The following PPP2R1B variants were observed in gnomAD, a reference collection of about 807,000 sequenced individuals.
PPP2R1B encodes protein phosphatase 2 scaffold subunit Abeta.
In PPP2R1B, 58 loss-of-function variants were observed where a neutral mutation model predicts 72.7. The observed-to-expected ratio is 0.80, with a 90% CI of 0.65 to 0.99. The LOEUF is 0.99. PPP2R1B is among the 50% of genes least tolerant of loss of function. The probability of loss-of-function intolerance (pLI) is 0.00; values close to 1 mark genes in which losing one functional copy is unlikely to be tolerated. For missense variants in PPP2R1B, 695 were observed against 733.6 expected, an observed-to-expected ratio of 0.95 and a Z score of 0.61; for synonymous variants, 256 against 264.6, an observed-to-expected ratio of 0.97 and a Z score of 0.32.
At chr11:111,736,312 C>A (rs1264228608), downstream of PPP2R1B, among the ~76,000 whole-genome samples, 1 of 152,204 alleles carries the variant, frequency 6.6e-6, no homozygotes, top group Non-Finnish European at 1.5e-5. Flanking sequence ...CCTCAATGAT[C>A]CACACTCAGA....
At position 111,755,469 on chromosome 11, in the gene PPP2R1B, T is replaced by C. The variant is rs782501398; in HGVS notation, c.688-19A>G. On this transcript the variant is annotated intron_variant, in intron 5 of 14. Coordinates refer to ENST00000527614, the MANE Select transcript of PPP2R1B (RefSeq NM_002716.5). ...CTGAATCCTAAAGGAACAAAATTTC[T>C]GTAATTCAGACATTTACTGAGACCC... The C allele has an allele frequency of 6.3e-6, 10 of 1,587,590 alleles. No homozygotes were observed. In the Admixed American group the frequency reaches 7.6e-5, roughly 12 times the overall value.
chr11:111,717,584 A>G, the PPP2R1B span, among the ~76,000 whole-genome samples: 1 of 152,192 alleles, frequency 6.6e-6, no homozygotes, highest in African/African-American at 2.4e-5. Context: ...CAGCAATCCC[A>G]TTACTGGGTA....
the PPP2R1B span, chr11:111,719,987 C>G: frequency 3.1e-6 from 5 of 1,613,710 alleles, no homozygotes; most frequent in Admixed American, 3.3e-5. Flanking sequence ...ATCAACTGGT[C>G]GTGATGCCTG....
chr11:111,741,628 C>T lies in PPP2R1B; in HGVS notation c.1790-16G>A, dbSNP rs1944522686. ...AATGCAAGAACTGGAAAATTCCAAA[C>T]AAAATCAGGTTAGTGGTACAGAAAG... On this transcript the variant is annotated splice_polypyrimidine_tract_variant and intron_variant, in intron 14 of 14. Transcript: ENST00000527614. 2 of 1,613,184 alleles carry T rather than the reference C, an allele frequency of 1.2e-6. No individual in the cohort carries two copies. The highest frequency in any genetic ancestry group is 1.7e-5 in the Admixed American group (1 of 59,738).
At chr11:111,715,301 A>G in the PPP2R1B span, among the ~76,000 whole-genome samples, 1 of 152,136 alleles carries the variant, frequency 6.6e-6, no homozygotes, top group Non-Finnish European at 1.5e-5. Context: ...GGGCCCATAA[A>G]TAAGTGCACA....
downstream of PPP2R1B, among the ~76,000 whole-genome samples, chr11:111,735,590 C>T (rs979066057): frequency 1.3e-5 from 2 of 152,230 alleles, no homozygotes; most frequent in Non-Finnish European, 2.9e-5. Flanking sequence ...AACACAGAGG[C>T]ACCTCCACAG....
chr11:111,738,036 C>T lies in PPP2R1B; in HGVS notation c.*3560G>A, dbSNP rs542108755. 7.9e-6 allele frequency: 8 copies of T among 1,007,074 alleles called. No individual in the cohort carries two copies. Among genetic ancestry groups the T allele is most frequent in the East Asian group, 9.3e-5 (1 of 10,726 alleles). 62.4% of individuals were successfully genotyped at this position (1,007,074 alleles called of 1,614,324 possible). A position where few individuals can be genotyped will look rare whatever the true frequency, so the allele number is the denominator to read the frequency against. ...GAAACAGCAGGCTCGTGGAGGCAAA[C>T]GGGGGACAGTGAGACTATTCTAGGT... is the stretch of plus-strand genomic sequence containing the variant. On this transcript the variant is annotated 3_prime_UTR_variant, in exon 15 of 15. Coordinates refer to ENST00000527614, the MANE Select transcript of PPP2R1B (RefSeq NM_002716.5).
Position 111,760,966 on chromosome 11 carries a change from T to C in PPP2R1B, c.392A>G (p.His131Arg), listed in dbSNP as rs1445444180. The C allele has an allele frequency of 1.9e-6, 3 of 1,614,228 alleles. No individual in the cohort carries two copies. The highest frequency in any genetic ancestry group is 1.7e-6 in the Non-Finnish European group (2 of 1,180,050). Reference protein sequence around the residue: ...VESLRQISQEHTPVALEAYFV... With the variant: ...VESLRQISQERTPVALEAYFV... ...ATAAGCTTCCAGAGCAACAGGAGTATGCTCCTGGGAGATCTGTCTCAGGGA... is the reference window on the plus strand; with the variant it reads ...ATAAGCTTCCAGAGCAACAGGAGTACGCTCCTGGGAGATCTGTCTCAGGGA... Residue 131 changes from histidine to arginine, a missense_variant, in exon 4 of 15, where the codon CAT becomes CGT. Transcript: ENST00000527614.
chr11:111,743,199 T>G (rs893833991), intron 12 of PPP2R1B, among the ~76,000 whole-genome samples, 177 bp downstream of exon 12: 2 of 152,220 alleles, frequency 1.3e-5, no homozygotes, highest in African/African-American at 2.4e-5. Context: ...CAGCCAATAC[T>G]GTAGATTTTA....
chr11:111,702,658 G>A, the PPP2R1B span, among the ~76,000 whole-genome samples: 1 of 152,200 alleles, frequency 6.6e-6, no homozygotes, highest in Non-Finnish European at 1.5e-5. Context: ...TTATGTGTGA[G>A]TGAAGAGCAT....
Position 111,739,148 on chromosome 11 carries a change from C to G in PPP2R1B, c.*2448G>C, listed in dbSNP as rs1379031036. On this transcript the variant is annotated 3_prime_UTR_variant, in exon 15 of 15. Transcript: ENST00000527614. ...TTCTTTTGATTATTTGTTCCATGCA[C>G]ACATTGGAGGATATTTTAGAAATTC... is the stretch of plus-strand genomic sequence containing the variant. 1 of 985,180 alleles carries G rather than the reference C, an allele frequency of 1.0e-6. No homozygotes were observed. The highest frequency in any genetic ancestry group is 6.2e-5 in the Admixed American group (1 of 16,248). 61.0% of individuals were successfully genotyped at this position (985,180 alleles called of 1,614,324 possible). A position where few individuals can be genotyped will look rare whatever the true frequency, so the allele number is the denominator to read the frequency against.
At chr11:111,692,702 T>G in the PPP2R1B span, among the ~76,000 whole-genome samples, 2 of 152,182 alleles carry the variant, frequency 1.3e-5, no homozygotes, top group Non-Finnish European at 2.9e-5. Context: ...TCTTCTTATC[T>G]CTGAGAACTC....
At chr11:111,701,031 G>C in the PPP2R1B span, 1 of 1,611,404 alleles carries the variant, frequency 6.2e-7, no homozygotes, top group Admixed American at 1.7e-5. The surrounding 1 kb of genome is among the most constrained non-coding windows in gnomAD (Gnocchi z 4.2). Flanking sequence ...GCTTTGCTGT[G>C]TTGTTAAATG....
chr11:111,720,984 A>G, the PPP2R1B span: 2 of 1,614,192 alleles, frequency 1.2e-6, 1 homozygote, highest in East Asian at 4.5e-5. Context: ...TGTTGTATGA[A>G]CAAATAGGAC....
the PPP2R1B span, among the ~76,000 whole-genome samples, chr11:111,709,570 T>C: frequency 1.2e-4 from 19 of 152,246 alleles, no homozygotes; most frequent in Admixed American, 1.1e-3. Context: ...TCATTGCGTA[T>C]TGACACTCTT....
At chr11:111,730,516 G>C (rs1944152452) in intron 15 of PPP2R1B, 1 of 152,224 alleles carries the variant, frequency 6.6e-6, no homozygotes, top group Non-Finnish European at 1.5e-5. Flanking sequence ...AGGGAGGTGG[G>C]TGGTTTTGCT....
At chr11:111,715,495 C>G in the PPP2R1B span, among the ~76,000 whole-genome samples, 5 of 152,188 alleles carry the variant, frequency 3.3e-5, no homozygotes, top group African/African-American at 1.2e-4. Context: ...CTTCAGCTCT[C>G]CTTCCCTCCC....
At chr11:111,756,203 C>A (rs1320123302) in intron 5 of PPP2R1B, among the ~76,000 whole-genome samples, 1 of 127,594 alleles carries the variant, frequency 7.8e-6, no homozygotes, top group African/African-American at 3.0e-5. Context: ...GAGTGACACT[C>A]TGTCTCAAAA....
chr11:111,734,925 G>T (rs1440452495), downstream of PPP2R1B, among the ~76,000 whole-genome samples: 1 of 152,226 alleles, frequency 6.6e-6, no homozygotes, highest in Non-Finnish European at 1.5e-5. Context: ...AGGTTCCTGA[G>T]CTGCAGAATG....
Sources: gnomAD v4.1 joint callset for allele counts (sites outside exome capture counted in the v4.1 genomes callset) on GRCh38, gnomAD v4.1.1 for gene constraint, Gnocchi (gnomAD v3.1) non-coding constraint, MANE v1.5 for transcripts, NCBI Gene and HGNC (gene_info 2026-07-23, HGNC 2026-07-21) for gene names.